The following NRG1 variants were observed in gnomAD, a reference collection of about 807,000 sequenced individuals.
The protein encoded by NRG1 is pro-neuregulin-1, membrane-bound isoform.
Under a neutral mutation model 63.8 loss-of-function variants are expected in NRG1, and 18 were observed. That is an observed-to-expected ratio of 0.28 (90% confidence interval 0.19 to 0.42). The LOEUF is 0.42. Among genes scored for constraint, NRG1 ranks in the 10% least tolerant of loss-of-function variants. NRG1 has a pLI of 1.00. For missense variants in NRG1, 762 were observed against 814.7 expected (o/e 0.94, Z 0.79); for synonymous variants, 302 against 301.3 (o/e 1.00, Z -0.02).
intron 1 of NRG1, among the ~76,000 whole-genome samples, chr8:32,162,286 A>T (rs1838916253): frequency 6.6e-6 from 1 of 152,234 alleles, no homozygotes. Flanking sequence ...CCAAATGTAT[A>T]CCTAAAAATT....
chr8:31,938,949 C>T (rs188608505), intron 1 of NRG1, among the ~76,000 whole-genome samples: 2 of 152,194 alleles, frequency 1.3e-5, no homozygotes, highest in Admixed American at 1.3e-4. Context: ...AACTAGTGTT[C>T]CCGAGGAAGA....
intron 3 of NRG1, among the ~76,000 whole-genome samples, chr8:32,612,837 T>A (rs180970636): frequency 7.2e-5 from 11 of 152,160 alleles, no homozygotes; most frequent in Middle Eastern, 3.4e-3. Context: ...CATTGATGAA[T>A]CCTGAAGGAC....
intron 1 of NRG1, among the ~76,000 whole-genome samples, chr8:32,089,626 A>G (rs1412247350): frequency 6.6e-6 from 1 of 152,204 alleles, no homozygotes; most frequent in Non-Finnish European, 1.5e-5. Flanking sequence ...CCTTTCAGCA[A>G]TATGGCACTG....
At chr8:32,469,766 C>A (rs902903392) in intron 1 of NRG1, among the ~76,000 whole-genome samples, 3 of 152,068 alleles carry the variant, frequency 2.0e-5, no homozygotes, top group East Asian at 3.9e-4. Context: ...GCCCGAGAAT[C>A]CTAAGAGAGG....
intron 1 of NRG1, among the ~76,000 whole-genome samples, chr8:32,410,742 A>T: frequency 6.6e-6 from 1 of 152,016 alleles, no homozygotes; most frequent in East Asian, 1.9e-4. Context: ...AAGTCCCCAG[A>T]GTCTGCTTCT....
At chr8:32,602,271 T>C (rs1844510392) in intron 2 of NRG1, among the ~76,000 whole-genome samples, 1 of 152,154 alleles carries the variant, frequency 6.6e-6, no homozygotes, top group African/African-American at 2.4e-5. Context: ...CTCTCTTTCT[T>C]TTAAAGCCTA....
chr8:32,747,732 G>GTGTATATA lies in NRG1; in HGVS notation c.691+5000_691+5001insGTATATAT, dbSNP rs1264111970. 8.3e-5 allele frequency among the ~76,000 whole-genome samples: 11 copies of GTGTATATA among 132,114 alleles called. 1 individual carries two copies. Among genetic ancestry groups the GTGTATATA allele is most frequent in the Admixed American group, 2.3e-4 (3 of 13,098 alleles). 86.7% of individuals were successfully genotyped at this position (132,114 alleles called of 152,430 possible). A position where few individuals can be genotyped will look rare whatever the true frequency, so the allele number is the denominator to read the frequency against. ...TGTTTGTGTGCATATATGTGTGTGT[G>GTGTATATA]TATATATATATATATATATATATAT... On this transcript the variant is annotated intron_variant, in intron 7 of 11. Coordinates refer to ENST00000356819, the Ensembl canonical transcript of NRG1.
At chr8:32,615,221 CTA>C (rs1179445934) in intron 4 of NRG1, among the ~76,000 whole-genome samples, 1 of 150,522 alleles carries the variant, frequency 6.6e-6, no homozygotes, top group Admixed American at 6.7e-5. Flanking sequence ...AATCTATCCT[CTA>C]TGTATTTCAT....
intron 1 of NRG1, among the ~76,000 whole-genome samples, chr8:32,522,786 G>A (rs1194862321): frequency 6.7e-6 from 1 of 148,428 alleles, no homozygotes; most frequent in African/African-American, 2.5e-5. Context: ...TTAATACTTT[G>A]TTGAGTTGGC....
chr8:32,505,959 A>T (rs780763663), intron 1 of NRG1, among the ~76,000 whole-genome samples: 1 of 152,188 alleles, frequency 6.6e-6, no homozygotes, highest in Non-Finnish European at 1.5e-5. Flanking sequence ...GGGCAAAAAC[A>T]CAGACAGAGG....
In NRG1 at chr8:32,725,726, G is replaced by A. The variant is rs376449371; in HGVS notation, c.503-2223G>A. ...CCTGACCTCATGATCCTCCCATCTCGGCCTCCCAAAGTGCTGGGATTACAG... is the reference window on the plus strand; with the variant it reads ...CCTGACCTCATGATCCTCCCATCTCAGCCTCCCAAAGTGCTGGGATTACAG... On this transcript the variant is annotated intron_variant, in intron 5 of 11. Coordinates refer to ENST00000356819, the Ensembl canonical transcript of NRG1. Among the ~76,000 whole-genome samples the A allele has an allele frequency of 2.0e-3, 300 of 151,686 alleles. 2 individuals carry two copies. The highest frequency in any genetic ancestry group is 7.0e-3 in the African/African-American group (288 of 41,356).
chr8:31,934,882 A>G (rs896528752), intron 1 of NRG1, among the ~76,000 whole-genome samples: 1 of 152,190 alleles, frequency 6.6e-6, no homozygotes, highest in Admixed American at 6.5e-5. Flanking sequence ...TGGCACATGT[A>G]GAGACTCAGA....
chr8:32,484,873 C>A (rs1825725340), intron 1 of NRG1, among the ~76,000 whole-genome samples: 1 of 152,108 alleles, frequency 6.6e-6, no homozygotes, highest in Admixed American at 6.6e-5. Context: ...TAAAAAGAGC[C>A]TGGAAATATC....
chr8:32,413,677 C>G (rs1166954609), intron 1 of NRG1, among the ~76,000 whole-genome samples: 5 of 152,190 alleles, frequency 3.3e-5, no homozygotes, highest in Admixed American at 1.3e-4. Context: ...AAATGCTTCC[C>G]TCACAATGAT....
chr8:32,012,077 A>G (rs1771831607), intron 1 of NRG1, among the ~76,000 whole-genome samples: 1 of 152,138 alleles, frequency 6.6e-6, no homozygotes, highest in Non-Finnish European at 1.5e-5. Flanking sequence ...TAAGCCTAAG[A>G]TGCCATATTA....
intron 1 of NRG1, among the ~76,000 whole-genome samples, chr8:32,068,708 C>A (rs973608160): frequency 2.0e-5 from 3 of 152,204 alleles, no homozygotes; most frequent in African/African-American, 7.2e-5. Flanking sequence ...TTAACCAGGC[C>A]AAGGTGAGGC....
intron 1 of NRG1, among the ~76,000 whole-genome samples, chr8:31,946,413 T>G (rs1304664686): frequency 6.6e-6 from 1 of 152,220 alleles, no homozygotes; most frequent in Non-Finnish European, 1.5e-5. Context: ...ATGGGGATTT[T>G]CCTGCAAGGC....
chr8:32,301,151 G>A (rs1855525813), intron 1 of NRG1, among the ~76,000 whole-genome samples: 1 of 152,116 alleles, frequency 6.6e-6, no homozygotes, highest in Non-Finnish European at 1.5e-5. Context: ...AATGAAAATA[G>A]GGGTAGGGTC....
At chr8:31,812,164 TG>T (rs1440875792) in intron 1 of NRG1, among the ~76,000 whole-genome samples, 5 of 152,206 alleles carry the variant, frequency 3.3e-5, no homozygotes, top group Non-Finnish European at 7.4e-5. Flanking sequence ...TACCATAGAT[TG>T]CAAATGTTTA....
Sources: allele counts gnomAD v4.1 joint callset (sites outside exome capture counted in the v4.1 genomes callset), GRCh38; gene constraint gnomAD v4.1.1; transcripts MANE v1.5; gene names NCBI Gene and HGNC (gene_info 2026-07-23, HGNC 2026-07-21).